The following NCOA3 variants were observed in gnomAD, a reference collection of about 807,000 sequenced individuals.
NCOA3 encodes the protein nuclear receptor coactivator 3.
In NCOA3, 51 loss-of-function variants were observed where a neutral mutation model predicts 158.8. The observed-to-expected ratio is 0.32, with a 90% CI of 0.26 to 0.41. NCOA3 has a LOEUF of 0.41. NCOA3 is among the 10% of genes least tolerant of loss of function. The pLI is 1.00. For synonymous variants in NCOA3, 537 were observed against 592.4 expected (o/e 0.91, Z 1.36); for missense variants, 1,510 against 1,746.6 (o/e 0.86, Z 2.41).
At chr20:47,652,881 T>A (rs752165802) in intron 21 of NCOA3, 50 bp from the exon 22 acceptor site, 4 of 1,598,892 alleles carry the variant, frequency 2.5e-6, no homozygotes, top group Non-Finnish European at 8.6e-7. Flanking sequence ...GCATGCCCTT[T>A]GTCGCTAAAG....
At position 47,572,326 on chromosome 20, in the gene NCOA3, G is replaced by A. The variant is rs575990095; in HGVS notation, c.-98-10857G>A. The stretch of plus-strand genomic sequence containing the variant: ...CTGAGGTAGGGGGATCGCTTGAACA[G>A]CCAGCAGTTCAAGGCTGCAGTGAGA... On this transcript the variant is annotated intron_variant, in intron 1 of 22. Coordinates refer to ENST00000371998, the MANE Select transcript of NCOA3 (RefSeq NM_181659.3). Among the ~76,000 whole-genome samples, 37 of 152,084 alleles carry A rather than the reference G, an allele frequency of 2.4e-4. 1 individual carries two copies. The South Asian group carries it at 7.5e-3, about 31-fold the overall frequency.
At chr20:47,546,656 C>T (rs780535815) in intron 1 of NCOA3, among the ~76,000 whole-genome samples, 13 of 151,782 alleles carry the variant, frequency 8.6e-5, no homozygotes, top group East Asian at 3.9e-4. Context: ...CTCAGCCTCT[C>T]GAGTTGCTGG....
chr20:47,625,236 C>T, intron 4 of NCOA3, 145 bp from the exon 5 acceptor site: 1 of 595,138 alleles, frequency 1.7e-6, no homozygotes, highest in South Asian at 2.2e-5. Flanking sequence ...AATATTGTAG[C>T]ATCATTCTCT....
At chr20:47,522,826 A>G (rs552885824) in intron 1 of NCOA3, among the ~76,000 whole-genome samples, 2 of 151,938 alleles carry the variant, frequency 1.3e-5, no homozygotes, top group East Asian at 3.9e-4. Flanking sequence ...CTGCATTTGC[A>G]TATCAAAGGT....
intron 1 of NCOA3, among the ~76,000 whole-genome samples, chr20:47,555,678 G>A (rs141340035): frequency 0.017 from 2,084 of 120,920 alleles, 59 homozygotes; most frequent in African/African-American, 0.062. Context: ...TCGCCCTGTC[G>A]CCCAGGCTGG....
intron 1 of NCOA3, among the ~76,000 whole-genome samples, chr20:47,566,899 G>A (rs751511667): frequency 1.3e-4 from 20 of 152,048 alleles, no homozygotes; most frequent in Non-Finnish European, 2.6e-4. Context: ...CAGGAAGATT[G>A]CTTGAGCCCA....
chr20:47,537,341 T>G (rs1209940546), intron 1 of NCOA3, among the ~76,000 whole-genome samples: 2 of 151,224 alleles, frequency 1.3e-5, no homozygotes, highest in Non-Finnish European at 2.9e-5. Context: ...AATTTACTTT[T>G]GCCTGTGGTC....
chr20:47,581,017 T>A (rs2085443836), intron 1 of NCOA3, among the ~76,000 whole-genome samples: 1 of 152,010 alleles, frequency 6.6e-6, no homozygotes, highest in Non-Finnish European at 1.5e-5. Flanking sequence ...GGGAGTATTG[T>A]TTGAGCCTCG....
intron 1 of NCOA3, among the ~76,000 whole-genome samples, chr20:47,577,589 C>T (rs1481365411): frequency 6.6e-6 from 1 of 152,222 alleles, no homozygotes; most frequent in Non-Finnish European, 1.5e-5. Flanking sequence ...ACATAGCTTT[C>T]ATTTTAGGAA....
intron 1 of NCOA3, 136 bp downstream of exon 1, chr20:47,502,155 G>A: frequency 2.5e-6 from 1 of 397,396 alleles, no homozygotes; most frequent in Non-Finnish European, 4.4e-6. Flanking sequence ...GCGCCGGCCG[G>A]GGGACGCGCT....
intron 1 of NCOA3, among the ~76,000 whole-genome samples, chr20:47,562,535 T>C (rs529997382): frequency 1.3e-5 from 2 of 151,126 alleles, no homozygotes; most frequent in East Asian, 3.9e-4. Context: ...TCCATCTGTC[T>C]TGATTTTTTT....
intron 1 of NCOA3, among the ~76,000 whole-genome samples, chr20:47,552,836 G>C (rs1040941801): frequency 6.6e-6 from 1 of 152,062 alleles, no homozygotes; most frequent in Non-Finnish European, 1.5e-5. Flanking sequence ...TAGGATGAAA[G>C]GTGACTTTGA....
chr20:47,576,764 C>G (rs1262641274), intron 1 of NCOA3, among the ~76,000 whole-genome samples: 1 of 152,242 alleles, frequency 6.6e-6, no homozygotes, highest in Non-Finnish European at 1.5e-5. Context: ...ATTGAAACCA[C>G]TGTAAACTTT....
At chr20:47,516,463 G>C (rs2084235743) in intron 1 of NCOA3, among the ~76,000 whole-genome samples, 1 of 152,178 alleles carries the variant, frequency 6.6e-6, no homozygotes, top group Non-Finnish European at 1.5e-5. Context: ...AGAAGACAGA[G>C]CAAGGGTCTA....
chr20:47,527,704 T>C (rs1250984357), intron 1 of NCOA3, among the ~76,000 whole-genome samples: 1 of 152,232 alleles, frequency 6.6e-6, no homozygotes, highest in Non-Finnish European at 1.5e-5. Flanking sequence ...TAAAACTGTT[T>C]ACCTGTCTGT....
At chr20:47,623,797 A>G in intron 3 of NCOA3, 114 bp from the exon 4 acceptor site, 1 of 1,056,724 alleles carries the variant, frequency 9.5e-7, no homozygotes, top group Non-Finnish European at 1.3e-6. Flanking sequence ...CTCGAGGAAA[A>G]AAAAAAAAAA....
At chr20:47,627,512 GA>G in intron 6 of NCOA3, 48 bp from the exon 7 acceptor site, 1 of 1,433,258 alleles carries the variant, frequency 7.0e-7, no homozygotes, top group Non-Finnish European at 9.6e-7. Flanking sequence ...GATGGTCATA[GA>G]ATGAGTTACC....
chr20:47,564,412 A>G (rs981785166), intron 1 of NCOA3, among the ~76,000 whole-genome samples: 8 of 152,178 alleles, frequency 5.3e-5, no homozygotes, highest in African/African-American at 1.7e-4. Flanking sequence ...GCAAAGAACT[A>G]TTGAGTACCT....
intron 1 of NCOA3, among the ~76,000 whole-genome samples, chr20:47,512,298 C>T (rs1321613709): frequency 6.6e-6 from 1 of 151,892 alleles, no homozygotes; most frequent in Non-Finnish European, 1.5e-5. Context: ...AGACTGGACC[C>T]CGTAGCTCAC....
Sources: gnomAD v4.1 joint callset for allele counts (sites outside exome capture counted in the v4.1 genomes callset) on GRCh38, gnomAD v4.1.1 for gene constraint, MANE v1.5 for transcripts, NCBI Gene and HGNC (gene_info 2026-07-23, HGNC 2026-07-21) for gene names.